The following GNG12 variants were observed in gnomAD, a reference collection of about 807,000 sequenced individuals.
The protein encoded by GNG12 is guanine nucleotide-binding protein G(I)/G(S)/G(O) subunit gamma-12.
For missense variants in GNG12, 69 were observed against 83.8 expected, an observed-to-expected ratio of 0.82 and a Z score of 0.69; for synonymous variants, 28 against 29.7, an observed-to-expected ratio of 0.94 and a Z score of 0.19.
At chr1:67,797,932 G>A (rs568395924) in intron 1 of GNG12, among the ~76,000 whole-genome samples, 22 of 152,262 alleles carry the variant, frequency 1.4e-4, no homozygotes, top group African/African-American at 5.3e-4. Flanking sequence ...TGACCACGGT[G>A]GTCTTGAAAC....
At chr1:67,734,825 A>G (rs1366111992) in intron 2 of GNG12, among the ~76,000 whole-genome samples, 2 of 152,048 alleles carry the variant, frequency 1.3e-5, no homozygotes, top group Non-Finnish European at 2.9e-5. Flanking sequence ...GTGTTTCTTA[A>G]AATGTATTAC....
intron 1 of GNG12, among the ~76,000 whole-genome samples, chr1:67,817,619 A>AT (rs1359623864): frequency 6.6e-6 from 1 of 152,136 alleles, no homozygotes; most frequent in African/African-American, 2.4e-5. Flanking sequence ...ACACTGCCAT[A>AT]TAACATGCCT....
intron 3 of GNG12, among the ~76,000 whole-genome samples, chr1:67,705,798 C>T (rs999617184): frequency 6.6e-6 from 1 of 152,162 alleles, no homozygotes; most frequent in Non-Finnish European, 1.5e-5. Context: ...AGCAACTTAA[C>T]AATGGTCAGA....
intron 1 of GNG12, among the ~76,000 whole-genome samples, chr1:67,784,840 A>G (rs1646759118): frequency 6.6e-6 from 1 of 152,152 alleles, no homozygotes; most frequent in South Asian, 2.1e-4. Context: ...GAGCTATGAT[A>G]TTGCTTCTTG....
intron 1 of GNG12, among the ~76,000 whole-genome samples, chr1:67,784,533 T>C (rs556857419): frequency 2.0e-4 from 30 of 152,082 alleles, no homozygotes; most frequent in Non-Finnish European, 3.2e-4. Context: ...AAAAGACTTT[T>C]ATTTTGTATT....
At position 67,761,936 on chromosome 1, in the gene GNG12, C is replaced by T. The variant is rs72922787; in HGVS notation, c.-27+15522G>A. On this transcript the variant is annotated intron_variant, in intron 2 of 3. Coordinates refer to ENST00000370982, the MANE Select transcript of GNG12 (RefSeq NM_018841.6). ...ACTCCTGCCACCTGCAGTCAGACCACTCTCTCCCACACCCAGGAAAGCAGA... is the reference window on the plus strand; with the variant it reads ...ACTCCTGCCACCTGCAGTCAGACCATTCTCTCCCACACCCAGGAAAGCAGA... Among the ~76,000 whole-genome samples, 492 of 152,286 alleles carry T rather than the reference C, an allele frequency of 3.2e-3. 3 individuals carry two copies. The highest frequency in any genetic ancestry group is 0.011 in the African/African-American group (449 of 41,560).
At chr1:67,815,571 A>C (rs1646949074) in intron 1 of GNG12, among the ~76,000 whole-genome samples, 1 of 152,152 alleles carries the variant, frequency 6.6e-6, no homozygotes, top group Non-Finnish European at 1.5e-5. Flanking sequence ...GTCGAAATGG[A>C]AGCGGTGACG....
intron 1 of GNG12, among the ~76,000 whole-genome samples, chr1:67,798,631 G>C (rs1646846021): frequency 6.6e-6 from 1 of 151,840 alleles, no homozygotes; most frequent in Admixed American, 6.6e-5. Flanking sequence ...TGAGGAGGAA[G>C]ACCTTTATGA....
intron 2 of GNG12, among the ~76,000 whole-genome samples, chr1:67,711,449 G>C (rs1033045059): frequency 6.6e-6 from 1 of 151,638 alleles, no homozygotes; most frequent in African/African-American, 2.4e-5. Flanking sequence ...AGGGTTTCTC[G>C]GGGGGGTGGT....
chr1:67,800,653 T>G (rs1024993206), intron 1 of GNG12, among the ~76,000 whole-genome samples: 1 of 152,258 alleles, frequency 6.6e-6, no homozygotes, highest in African/African-American at 2.4e-5. Flanking sequence ...TAATTTTTAC[T>G]GCTTCAAGGA....
At chr1:67,795,216 A>G (rs775736017) in intron 1 of GNG12, among the ~76,000 whole-genome samples, 10 of 152,190 alleles carry the variant, frequency 6.6e-5, no homozygotes, top group Non-Finnish European at 1.2e-4. Flanking sequence ...TGCAATTTTG[A>G]CGGTTCCCAA....
chr1:67,802,300 A>G (rs916719436), intron 1 of GNG12, among the ~76,000 whole-genome samples: 1 of 152,180 alleles, frequency 6.6e-6, no homozygotes, highest in East Asian at 1.9e-4. Context: ...GTGATATTGT[A>G]AATTAGGGCA....
intron 2 of GNG12, among the ~76,000 whole-genome samples, chr1:67,749,944 G>A (rs1246140692): frequency 2.0e-5 from 3 of 152,130 alleles, no homozygotes; most frequent in Non-Finnish European, 4.4e-5. Flanking sequence ...GACTCTCCCA[G>A]AAATTTACAC....
At chr1:67,819,668 T>C (rs1193312170) in intron 1 of GNG12, among the ~76,000 whole-genome samples, 9 of 152,242 alleles carry the variant, frequency 5.9e-5, no homozygotes, top group Non-Finnish European at 1.0e-4. Flanking sequence ...TAATGGCTTA[T>C]GTGATCTGTT....
Position 67,741,270 on chromosome 1 carries a change from G to A in GNG12, c.-26-33558C>T, listed in dbSNP as rs201436166. Among the ~76,000 whole-genome samples, 9 of 152,302 alleles carry A rather than the reference G, an allele frequency of 5.9e-5. No individual in the cohort carries two copies. In the East Asian group the frequency reaches 1.2e-3, roughly 20 times the overall value. ...TCTGGCCTTTGGGAGAAATAAACACGTCAGAGTTCCTGGCCATTCTGATTG... is the reference window on the plus strand; with the variant it reads ...TCTGGCCTTTGGGAGAAATAAACACATCAGAGTTCCTGGCCATTCTGATTG... On this transcript the variant is annotated intron_variant, in intron 2 of 3. Transcript: ENST00000370982.
rs1371984454 is a variant in GNG12 at position 67,701,947 on chromosome 1, G to A, written c.*3504C>T. On this transcript the variant is annotated 3_prime_UTR_variant, in exon 4 of 4. Transcript: ENST00000370982. ...CCAACACGTTGGCAGGACCAGCAGA[G>A]GGGTGGGGTCTTTGGACCAAGGCAT... is the stretch of plus-strand genomic sequence containing the variant. 2.0e-5 allele frequency: 3 copies of A among 152,656 alleles called. No individual in the cohort carries two copies. The highest frequency in any genetic ancestry group is 7.2e-5 in the African/African-American group (3 of 41,454). The allele number at this position is 152,656 out of a possible 1,614,324, so 9.5% of individuals were successfully genotyped here.
chr1:67,708,911 T>C (rs965717583), intron 2 of GNG12, among the ~76,000 whole-genome samples: 1 of 152,158 alleles, frequency 6.6e-6, no homozygotes, highest in African/African-American at 2.4e-5. Context: ...AATTCTGCCA[T>C]AAAGGCCGAG....
intron 1 of GNG12, among the ~76,000 whole-genome samples, chr1:67,778,011 T>C (rs532697974): frequency 7.9e-5 from 12 of 151,838 alleles, no homozygotes; most frequent in South Asian, 2.1e-4. Context: ...TGTTGTTCAA[T>C]AGAAATATAA....
At chr1:67,715,041 C>A (rs938774997) in intron 2 of GNG12, among the ~76,000 whole-genome samples, 1 of 152,172 alleles carries the variant, frequency 6.6e-6, no homozygotes, top group African/African-American at 2.4e-5. Flanking sequence ...GCCTTAGCCT[C>A]CCGAGTAGCT....
Sources: gnomAD v4.1 joint callset for allele counts (sites outside exome capture counted in the v4.1 genomes callset) on GRCh38, gnomAD v4.1.1 for gene constraint, MANE v1.5 for transcripts, NCBI Gene and HGNC (gene_info 2026-07-23, HGNC 2026-07-21) for gene names.